Variants in EIF4G3 observed in about 807,000 individuals in gnomAD.
The protein encoded by EIF4G3 is eIF-4-gamma 3.
Under a neutral mutation model 186.4 loss-of-function variants are expected in EIF4G3, and 34 were observed. The ratio of observed to expected loss-of-function variants is 0.18; its 90% CI spans 0.14 to 0.24. The LOEUF (loss-of-function observed/expected upper bound fraction) is 0.24, where lower values mean the gene tolerates loss of function less well. Ranked by LOEUF, EIF4G3 falls within the 10% of genes least tolerant of loss-of-function variation. EIF4G3 has a pLI of 1.00. For missense variants in EIF4G3, 1,536 were observed against 1,948.5 expected (o/e 0.79, Z 3.99); for synonymous variants, 673 against 679.5 (o/e 0.99, Z 0.15).
chr1:20,957,554 C>T (rs954512516), intron 12 of EIF4G3, among the ~76,000 whole-genome samples: 2 of 146,854 alleles, frequency 1.4e-5, no homozygotes, highest in African/African-American at 5.0e-5. Context: ...ACAGAAATTG[C>T]AGCAAAACTA....
intron 2 of EIF4G3, among the ~76,000 whole-genome samples, chr1:21,099,146 T>G (rs1023569486): frequency 6.6e-6 from 1 of 152,184 alleles, no homozygotes; most frequent in Non-Finnish European, 1.5e-5. Context: ...GAGGAGCAAC[T>G]GGAAATCTCA....
intron 3 of EIF4G3, among the ~76,000 whole-genome samples, chr1:21,077,621 C>T (rs917397326): frequency 6.6e-6 from 1 of 151,436 alleles, no homozygotes; most frequent in Admixed American, 6.6e-5. Context: ...TGGCTCACTC[C>T]TGTAATCCCA....
rs747228764 is a variant in EIF4G3, at chr1:20,810,807, C to T, written c.4675G>A (p.Asp1559Asn). Residue 1559 changes from aspartate to asparagine, a missense_variant, in exon 36 of 37, where the codon GAT becomes AAT. Asp to Asn is a conservative substitution (Grantham distance 23, BLOSUM62 1). Coordinates refer to ENST00000602326, the MANE Select transcript of EIF4G3 (RefSeq NM_001391906.1). This position sits in a 1 kb window ranked among gnomAD's most constrained non-coding sequence, Gnocchi z 4.1. ...AGTGCTTGCAGTTCCTTCTCTGTAT[C>T]TGAGTCTAGGTACTTGAGTAAGATC... ...VPILLKYLDS[D>N]TEKELQALYA... 10 of 1,613,992 alleles carry T rather than the reference C, an allele frequency of 6.2e-6. No homozygotes were observed. The Admixed American group carries it at 1.5e-4, about 24-fold the overall frequency.
chr1:21,057,471 T>A (rs1235523765), intron 3 of EIF4G3, among the ~76,000 whole-genome samples: 1 of 152,168 alleles, frequency 6.6e-6, no homozygotes, highest in Non-Finnish European at 1.5e-5. Context: ...TCAATAGATG[T>A]ACACATGTTT....
intron 12 of EIF4G3, 111 bp downstream of exon 12, chr1:20,969,363 C>A: frequency 1.5e-6 from 2 of 1,295,990 alleles, no homozygotes; most frequent in Non-Finnish European, 2.1e-6. Context: ...TTCGAGGCTG[C>A]GAGACAACTG....
At chr1:20,892,564 G>A in intron 18 of EIF4G3, 3 of 1,226,932 alleles carry the variant, frequency 2.4e-6, no homozygotes, top group Non-Finnish European at 3.5e-6. Context: ...GAGCGTAACA[G>A]AAAATATTAT....
chr1:21,100,727 AAAG>A (rs1056524134), intron 2 of EIF4G3, among the ~76,000 whole-genome samples: 2 of 150,362 alleles, frequency 1.3e-5, no homozygotes, highest in Admixed American at 6.6e-5. Flanking sequence ...TTACAAAAAA[AAAG>A]AAGTAGTATG....
intron 22 of EIF4G3, among the ~76,000 whole-genome samples, chr1:20,863,643 C>T (rs1432838076): frequency 2.0e-5 from 3 of 151,544 alleles, no homozygotes; most frequent in Admixed American, 1.3e-4. Context: ...GGGATTTCTC[C>T]ATGTTGGTCA....
At position 21,043,274 on chromosome 1, in the gene EIF4G3, G is replaced by A. The variant is rs541676993; in HGVS notation, c.-67+7592C>T. Among the ~76,000 whole-genome samples, 3 of 152,248 alleles carry A rather than the reference G, an allele frequency of 2.0e-5. No homozygotes were observed. In the South Asian group the frequency reaches 6.2e-4, roughly 32 times the overall value. Reference sequence around the variant, plus strand: ...TGAGCCTACATAAAACAGAAGTAAAGAAATGCTTACAAAATCACAATCAGT... The same window carrying A: ...TGAGCCTACATAAAACAGAAGTAAAAAAATGCTTACAAAATCACAATCAGT... On this transcript the variant is annotated intron_variant, in intron 4 of 36. Coordinates refer to ENST00000602326, the MANE Select transcript of EIF4G3 (RefSeq NM_001391906.1).
intron 12 of EIF4G3, among the ~76,000 whole-genome samples, chr1:20,968,502 A>G (rs2075193317): frequency 6.6e-6 from 1 of 152,138 alleles, no homozygotes; most frequent in Non-Finnish European, 1.5e-5. Flanking sequence ...ATCTTGTCAG[A>G]TTTGCGGAAT....
chr1:20,946,688 T>G (rs1240751714), intron 13 of EIF4G3, among the ~76,000 whole-genome samples: 1 of 152,182 alleles, frequency 6.6e-6, no homozygotes, highest in African/African-American at 2.4e-5. Flanking sequence ...TAGAAATTAT[T>G]TGCCTATTTT....
intron 20 of EIF4G3, among the ~76,000 whole-genome samples, chr1:20,871,897 T>G (rs1249311955): frequency 7.9e-5 from 12 of 151,766 alleles, no homozygotes; most frequent in Admixed American, 7.9e-4. Context: ...AATCTTGGCT[T>G]ACTGCAACCT....
chr1:21,089,176 G>C lies in EIF4G3; in HGVS notation c.-234C>G, dbSNP rs1233067109. On this transcript the variant is annotated 5_prime_UTR_variant, in exon 3 of 37. In the 5' UTR this introduces an upstream ATG that the reference lacks. Coordinates refer to ENST00000602326, the MANE Select transcript of EIF4G3 (RefSeq NM_001391906.1). Reference sequence around the variant, plus strand: ...GCTGAGACAGCGGGAGTGAAGATTCGATCCTCAAGAGGTTGTTGCACAGGT... The same window carrying C: ...GCTGAGACAGCGGGAGTGAAGATTCCATCCTCAAGAGGTTGTTGCACAGGT... 1.5e-5 allele frequency: 11 copies of C among 717,338 alleles called. No individual in the cohort carries two copies. The highest frequency in any genetic ancestry group is 2.6e-5 in the Non-Finnish European group (10 of 385,054). The allele number at this position is 717,338 out of a possible 1,614,324, so 44.4% of individuals were successfully genotyped here. A position where few individuals can be genotyped will look rare whatever the true frequency, so the allele number is the denominator to read the frequency against.
intron 35 of EIF4G3, among the ~76,000 whole-genome samples, chr1:20,812,733 TTGA>T (rs781094620): frequency 4.6e-5 from 7 of 152,196 alleles, no homozygotes; most frequent in Admixed American, 4.6e-4. Context: ...GGACAAACTG[TTGA>T]TATTTTTTTC....
intron 3 of EIF4G3, among the ~76,000 whole-genome samples, chr1:21,058,162 C>G (rs1004050388): frequency 6.6e-6 from 1 of 152,046 alleles, no homozygotes; most frequent in Non-Finnish European, 1.5e-5. Context: ...TCTTACATGA[C>G]TCCAGAGCAA....
chr1:20,932,286 T>C (rs1358414904), intron 14 of EIF4G3, among the ~76,000 whole-genome samples: 1 of 152,216 alleles, frequency 6.6e-6, no homozygotes, highest in Non-Finnish European at 1.5e-5. Flanking sequence ...TGTGGCTGGT[T>C]TGATCTATCC....
intron 3 of EIF4G3, among the ~76,000 whole-genome samples, chr1:21,080,798 G>A (rs572556321): frequency 8.3e-4 from 126 of 152,100 alleles, no homozygotes; most frequent in African/African-American, 2.7e-3. Context: ...ATAAGCCACC[G>A]GGCCCAGCTG....
chr1:21,025,401 C>G (rs887186712), intron 4 of EIF4G3, among the ~76,000 whole-genome samples: 23 of 151,828 alleles, frequency 1.5e-4, no homozygotes, highest in African/African-American at 5.3e-4. Context: ...TCCGACAGCC[C>G]AGGTACATAG....
At chr1:20,933,213 A>G (rs996834015) in intron 14 of EIF4G3, among the ~76,000 whole-genome samples, 1 of 152,198 alleles carries the variant, frequency 6.6e-6, no homozygotes, top group Non-Finnish European at 1.5e-5. Context: ...TTTTTAAAAG[A>G]TGATTTCGGC....
Sources: gnomAD v4.1 joint callset for allele counts (sites outside exome capture counted in the v4.1 genomes callset) on GRCh38, gnomAD v4.1.1 for gene constraint, Gnocchi (gnomAD v3.1) non-coding constraint, MANE v1.5 for transcripts, NCBI Gene and HGNC (gene_info 2026-07-23, HGNC 2026-07-21) for gene names.